SUZ12: variants seen among roughly 807,000 people sequenced by gnomAD.
The protein encoded by SUZ12 is SUZ12 polycomb repressive complex 2 subunit.
SUZ12 carries 17 observed loss-of-function variants against 87.3 expected under a neutral mutation model. The observed-to-expected ratio is 0.19, with a 90% CI of 0.13 to 0.29. SUZ12 has a LOEUF of 0.29. Ranked by LOEUF, SUZ12 falls within the 10% of genes least tolerant of loss-of-function variation. SUZ12 has a pLI of 1.00. For missense variants in SUZ12, 526 were observed against 912.2 expected, an observed-to-expected ratio of 0.58 and a Z score of 5.45; for synonymous variants, 253 against 312.4, an observed-to-expected ratio of 0.81 and a Z score of 2.01.
chr17:31,958,261 A>G (rs1050800015), intron 4 of SUZ12, among the ~76,000 whole-genome samples: 5 of 151,960 alleles, frequency 3.3e-5, no homozygotes, highest in African/African-American at 1.2e-4. Context: ...ACCTCGAACT[A>G]CTGAGTTCAA....
At chr17:31,960,042 C>A (rs541509083) in intron 4 of SUZ12, among the ~76,000 whole-genome samples, 1 of 152,150 alleles carries the variant, frequency 6.6e-6, no homozygotes, top group African/African-American at 2.4e-5. Context: ...ACCAACCTTA[C>A]GTGTTTCTTT....
chr17:31,999,746 T>G lies in SUZ12; in HGVS notation c.*743T>G. 1 of 226,084 alleles carries G rather than the reference T, an allele frequency of 4.4e-6. No individual in the cohort carries two copies. Among genetic ancestry groups the G allele is most frequent in the Non-Finnish European group, 8.7e-6 (1 of 114,482 alleles). 14.0% of individuals were successfully genotyped at this position (226,084 alleles called of 1,614,324 possible). A position where few individuals can be genotyped will look rare whatever the true frequency, so the allele number is the denominator to read the frequency against. On this transcript the variant is annotated 3_prime_UTR_variant, in exon 16 of 16. Coordinates refer to ENST00000322652, the MANE Select transcript of SUZ12 (RefSeq NM_015355.4). ...TTAGTGCATTGCTCACCCGGTATGT[T>G]TTTTTTTTTTAACTTGAACATTTTG... is the stretch of plus-strand genomic sequence containing the variant.
chr17:31,964,427 G>T (rs781170760), intron 4 of SUZ12, among the ~76,000 whole-genome samples: 3 of 138,182 alleles, frequency 2.2e-5, no homozygotes, highest in African/African-American at 3.1e-5. Context: ...TTTTTTTTGA[G>T]ACTGAGTCTC....
intron 5 of SUZ12, among the ~76,000 whole-genome samples, chr17:31,972,232 C>T (rs1417183958): frequency 2.0e-5 from 3 of 151,846 alleles, no homozygotes; most frequent in Non-Finnish European, 4.4e-5. Context: ...TTGCAGTGAA[C>T]CAAGATCGCC....
At position 31,988,393 on chromosome 17, in the gene SUZ12, A is replaced by G. The variant is rs151019506; in HGVS notation, c.1097A>G (p.Asn366Ser). The G allele has an allele frequency of 8.1e-5, 131 of 1,613,724 alleles. 1 individual carries two copies. The highest frequency in any genetic ancestry group is 4.7e-4 in the South Asian group (43 of 90,980). The change falls in exon 10 of 16, where the codon AAT becomes AGT. Residue 366 changes from asparagine to serine, a missense_variant. By Grantham distance (46) the Asn-to-Ser change is conservative (BLOSUM62 1). Coordinates refer to ENST00000322652, the MANE Select transcript of SUZ12 (RefSeq NM_015355.4). ...ACTCTTCGTTGGACAGGAGAGACCA[A>G]TGATAAATCTACGGCTCCTATTGCC... ...QFTLRWTGET[N>S]DKSTAPIAKP...
At chr17:31,945,439 T>C (rs1322033877) in intron 3 of SUZ12, among the ~76,000 whole-genome samples, 2 of 152,204 alleles carry the variant, frequency 1.3e-5, no homozygotes, top group Admixed American at 6.5e-5. Flanking sequence ...AGTAAAAATA[T>C]AGGTCACGAG....
chr17:31,963,256 T>A (rs1383357533), intron 4 of SUZ12, among the ~76,000 whole-genome samples: 1 of 152,038 alleles, frequency 6.6e-6, no homozygotes, highest in Admixed American at 6.6e-5. Context: ...GTGATTCTCC[T>A]GCCTCAGCCT....
intron 10 of SUZ12, among the ~76,000 whole-genome samples, chr17:31,988,710 A>G (rs1345035819): frequency 1.3e-5 from 2 of 151,104 alleles, no homozygotes. Context: ...CTCCTGACTC[A>G]GCCTCCCGAG....
At chr17:31,994,861 C>T (rs1909891188) in intron 13 of SUZ12, 140 bp downstream of exon 13, 1 of 831,232 alleles carries the variant, frequency 1.2e-6, no homozygotes, top group Non-Finnish European at 1.8e-6. Context: ...GGGTTGTTAA[C>T]TACTTTATAA....
chr17:31,967,688 TG>T (rs1362798561), intron 5 of SUZ12: 2 of 152,404 alleles, frequency 1.3e-5, no homozygotes, highest in East Asian at 3.9e-4. Context: ...AAGACCAGCC[TG>T]GGCAACACAG....
intron 4 of SUZ12, among the ~76,000 whole-genome samples, chr17:31,951,558 C>T (rs1256211697): frequency 6.6e-6 from 1 of 151,204 alleles, no homozygotes; most frequent in African/African-American, 2.4e-5. Context: ...TCTCAGCTCA[C>T]TGCAAGTTCC....
intron 14 of SUZ12, 90 bp downstream of exon 14, chr17:31,995,852 G>A: frequency 2.3e-5 from 21 of 931,346 alleles, no homozygotes; most frequent in South Asian, 1.1e-4. Flanking sequence ...TATTGTAAAG[G>A]AACTTTTTTT....
At chr17:31,940,934 C>T (rs1399788125) in intron 3 of SUZ12, among the ~76,000 whole-genome samples, 7 of 150,312 alleles carry the variant, frequency 4.7e-5, no homozygotes, top group African/African-American at 1.2e-4. Context: ...TGCTTGAGCC[C>T]GGGAGGTGGA....
intron 6 of SUZ12, 27 bp from the exon 7 acceptor site, chr17:31,975,455 A>G (rs779198055): frequency 6.8e-7 from 1 of 1,461,620 alleles, no homozygotes; most frequent in East Asian, 2.4e-5. Flanking sequence ...ACAAATAAAT[A>G]TAAATTAATA....
chr17:31,948,287 C>T (rs1253036053), intron 4 of SUZ12, among the ~76,000 whole-genome samples: 1 of 152,122 alleles, frequency 6.6e-6, no homozygotes, highest in African/African-American at 2.4e-5. Flanking sequence ...TGATATCTGT[C>T]TACTCTAGAT....
At chr17:31,962,669 G>A (rs1365647128) in intron 4 of SUZ12, among the ~76,000 whole-genome samples, 4 of 152,326 alleles carry the variant, frequency 2.6e-5, no homozygotes, top group Admixed American at 6.5e-5. Context: ...AGACCGCAGC[G>A]AGTAAGTGGC....
intron 4 of SUZ12, among the ~76,000 whole-genome samples, chr17:31,958,198 A>G (rs1907479342): frequency 1.3e-5 from 2 of 151,394 alleles, no homozygotes; most frequent in Non-Finnish European, 2.9e-5. Context: ...CACCGCGCCC[A>G]GCCCCTTTTG....
intron 8 of SUZ12, among the ~76,000 whole-genome samples, chr17:31,982,749 A>G (rs1177326820): frequency 6.6e-6 from 1 of 152,210 alleles, no homozygotes; most frequent in Non-Finnish European, 1.5e-5. Flanking sequence ...CAGGCATATT[A>G]TACTTTACAT....
In SUZ12 at chr17:31,999,025, G is replaced by A. The variant is rs1433798715; in HGVS notation, c.*22G>A. 6 of 1,482,916 alleles carry A rather than the reference G, an allele frequency of 4.0e-6. No individual in the cohort carries two copies. Among genetic ancestry groups the A allele is most frequent in the African/African-American group, 1.4e-5 (1 of 70,824 alleles). The allele number at this position is 1,482,916 out of a possible 1,614,324, so 91.9% of individuals were successfully genotyped here. ...CTGAAAAGCTCTAACCCCATGTTATGGACAAACACTGAAATTACATTTTAG... is the reference window on the plus strand; with the variant it reads ...CTGAAAAGCTCTAACCCCATGTTATAGACAAACACTGAAATTACATTTTAG... On this transcript the variant is annotated 3_prime_UTR_variant, in exon 16 of 16. Coordinates refer to ENST00000322652, the MANE Select transcript of SUZ12 (RefSeq NM_015355.4).
Sources: allele counts gnomAD v4.1 joint callset (sites outside exome capture counted in the v4.1 genomes callset), GRCh38; gene constraint gnomAD v4.1.1; transcripts MANE v1.5; gene names NCBI Gene and HGNC (gene_info 2026-07-23, HGNC 2026-07-21).